SUN3: variants seen among roughly 807,000 people sequenced by gnomAD.
SUN3 encodes the protein Sad1 and UNC84 domain containing 3, also known as SUN domain-containing protein 3.
Under a neutral mutation model 48.2 loss-of-function variants are expected in SUN3, and 36 were observed. The observed-to-expected ratio is 0.75, with a 90% CI of 0.57 to 0.99. The LOEUF is 0.99. Among genes scored for constraint, SUN3 ranks in the 50% least tolerant of loss-of-function variants. The pLI, the probability that SUN3 is intolerant of heterozygous loss-of-function variation, is 0.00. For missense variants in SUN3, 419 were observed against 433.1 expected (o/e 0.97, Z 0.29); for synonymous variants, 148 against 147.9 (o/e 1.00, Z 0.00).
intron 8 of SUN3, chr7:47,990,861 A>G (rs1325934694): frequency 3.0e-6 from 1 of 332,648 alleles, no homozygotes; most frequent in East Asian, 9.1e-5. Context: ...CAGAAAAACA[A>G]ATACTCTATG....
At chr7:48,008,562 G>A (rs945710291) in intron 4 of SUN3, among the ~76,000 whole-genome samples, 6 of 152,188 alleles carry the variant, frequency 3.9e-5, no homozygotes, top group Non-Finnish European at 8.8e-5. Context: ...GCACACCTCA[G>A]TGTGTATTTT....
chr7:48,034,378 T>C, the SUN3 span, among the ~76,000 whole-genome samples: 1 of 152,224 alleles, frequency 6.6e-6, no homozygotes, highest in Non-Finnish European at 1.5e-5. Flanking sequence ...TATACTCGTG[T>C]AACAGAAACA....
chr7:48,035,642 C>A, the SUN3 span: 1 of 674,438 alleles, frequency 1.5e-6, no homozygotes, highest in South Asian at 1.6e-5. The surrounding 1 kb of genome is among the most constrained non-coding windows in gnomAD (Gnocchi z 4.0). Flanking sequence ...TGAGCCTGAG[C>A]GGGCTGGAGG....
At chr7:48,025,783 A>G (rs1442429765) in intron 2 of SUN3, 94 bp downstream of exon 2, 1 of 808,814 alleles carries the variant, frequency 1.2e-6, no homozygotes. Flanking sequence ...CGTGGCATTT[A>G]TTTACAAATA....
At chr7:48,014,847 C>T (rs1309987387) in intron 3 of SUN3, among the ~76,000 whole-genome samples, 1 of 152,072 alleles carries the variant, frequency 6.6e-6, no homozygotes, top group East Asian at 1.9e-4. Context: ...GGCTGGAGAA[C>T]CAGGGAAGGG....
chr7:48,000,684 C>T (rs1418676408), intron 6 of SUN3, among the ~76,000 whole-genome samples: 3 of 151,998 alleles, frequency 2.0e-5, no homozygotes, highest in Admixed American at 2.0e-4. Context: ...ATGTCGTTTC[C>T]TTCTCTTCTG....
At chr7:48,008,917 A>C in intron 4 of SUN3, 118 bp downstream of exon 4, 1 of 813,394 alleles carries the variant, frequency 1.2e-6, no homozygotes, top group Non-Finnish European at 2.0e-6. Flanking sequence ...TATTTCTGGG[A>C]GTGAAATTTT....
Position 47,987,151 on chromosome 7 carries a change from A to T in SUN3, c.*179T>A. On this transcript the variant is annotated 3_prime_UTR_variant, in exon 10 of 10. Transcript: ENST00000297325. Reference sequence around the variant, plus strand: ...AGACTAAACTATGGCAAGGATATTTAATTTACTTCCATATTTTTTTATTAG... The same window carrying T: ...AGACTAAACTATGGCAAGGATATTTTATTTACTTCCATATTTTTTTATTAG... 1 of 493,372 alleles carries T rather than the reference A, an allele frequency of 2.0e-6. No homozygotes were observed. The highest frequency in any genetic ancestry group is 3.3e-6 in the Non-Finnish European group (1 of 301,574). 30.6% of individuals were successfully genotyped at this position (493,372 alleles called of 1,614,324 possible).
At chr7:48,033,503 G>T (rs1280543133), upstream of SUN3, among the ~76,000 whole-genome samples, 1 of 152,134 alleles carries the variant, frequency 6.6e-6, no homozygotes, top group African/African-American at 2.4e-5. Flanking sequence ...TCAAAGCTTC[G>T]CTGAGCCATG....
chr7:48,009,778 C>T (rs1293144430), intron 3 of SUN3, among the ~76,000 whole-genome samples: 1 of 152,066 alleles, frequency 6.6e-6, no homozygotes, highest in Non-Finnish European at 1.5e-5. Context: ...TCAGTGAAAA[C>T]ATAAACACTG....
intron 6 of SUN3, among the ~76,000 whole-genome samples, chr7:48,005,152 G>A (rs1390058351): frequency 6.6e-6 from 1 of 152,202 alleles, no homozygotes; most frequent in Non-Finnish European, 1.5e-5. Context: ...TTAAAAAAGT[G>A]TATCAGAATG....
chr7:48,004,881 C>G (rs1915960), intron 6 of SUN3, among the ~76,000 whole-genome samples: 1 of 152,092 alleles, frequency 6.6e-6, no homozygotes, highest in African/African-American at 2.4e-5. Context: ...AGCCCACTCA[C>G]GTAGTTGCTT....
At chr7:48,030,719 T>C (rs141911075), upstream of SUN3, among the ~76,000 whole-genome samples, 383 of 152,344 alleles carry the variant, frequency 2.5e-3, 1 homozygote, top group African/African-American at 8.8e-3. Flanking sequence ...GCAATAGTAA[T>C]CTTGTATTTA....
At chr7:48,013,668 A>G (rs971769454) in intron 3 of SUN3, among the ~76,000 whole-genome samples, 2 of 152,224 alleles carry the variant, frequency 1.3e-5, no homozygotes, top group African/African-American at 4.8e-5. Flanking sequence ...CATCCATTAC[A>G]TGTCATTATA....
At chr7:47,995,503 T>C (rs1174991988) in intron 7 of SUN3, among the ~76,000 whole-genome samples, 2 of 152,162 alleles carry the variant, frequency 1.3e-5, no homozygotes, top group African/African-American at 4.8e-5. Flanking sequence ...ACTTCAGGTG[T>C]ATGGATCAAA....
chr7:48,029,998 CAG>C (rs1562617599), upstream of SUN3, among the ~76,000 whole-genome samples: 1 of 152,114 alleles, frequency 6.6e-6, no homozygotes, highest in East Asian at 1.9e-4. Flanking sequence ...ACTTATAACT[CAG>C]AGAGTCTTTT....
chr7:47,989,486 C>T (rs555141958), intron 8 of SUN3, among the ~76,000 whole-genome samples: 68 of 152,312 alleles, frequency 4.5e-4, no homozygotes, highest in Non-Finnish European at 7.2e-4. Flanking sequence ...GAGAGGATAA[C>T]GCACTGGTGC....
In SUN3 at chr7:48,007,259, A is replaced by G; in HGVS notation, c.398T>C (p.Leu133Pro). The change falls in exon 5 of 10, where the codon CTG (leucine) becomes CCG (proline). Residue 133 changes from leucine (L) to proline (P), a missense_variant. Physicochemically the swap from Leu to Pro is moderately conservative, Grantham distance 98. Transcript: ENST00000297325. Reference protein sequence around the residue: ...ILFLIEQIDVLKALLRDMKDG... With the variant: ...ILFLIEQIDVPKALLRDMKDG... Reference sequence around the variant, plus strand: ...CTTCATATCTCTTAGCAATGCCTTCAGGACATCTATTTGTTCGATCAAAAA... The same window carrying G: ...CTTCATATCTCTTAGCAATGCCTTCGGGACATCTATTTGTTCGATCAAAAA... The G allele has an allele frequency of 6.2e-7, 1 of 1,614,126 alleles. No homozygotes were observed. Among genetic ancestry groups the G allele is most frequent in the Non-Finnish European group, 8.5e-7 (1 of 1,180,008 alleles).
At position 47,994,397 on chromosome 7, in the gene SUN3, G is replaced by C. The variant is rs1789146591; in HGVS notation, c.779C>G (p.Thr260Ser). 1 of 1,613,392 alleles carries C rather than the reference G, an allele frequency of 6.2e-7. No homozygotes were observed. The highest frequency in any genetic ancestry group is 1.3e-5 in the African/African-American group (1 of 75,028). ...TGAGATGTGCTCCATGGTAACAGCA[G>C]TTGGTATGATCTTTGTAGCAAGCTT... ...LIKLATKIIP[T>S]AVTMEHISEK... Residue 260 changes from threonine (T) to serine (S), a missense_variant, in exon 8 of 10, where the codon ACT (threonine) becomes AGT (serine). By Grantham distance (58) the Thr-to-Ser change is moderately conservative (BLOSUM62 1). Transcript: ENST00000297325.
Sources: allele counts gnomAD v4.1 joint callset (sites outside exome capture counted in the v4.1 genomes callset), GRCh38; gene constraint gnomAD v4.1.1; non-coding constraint Gnocchi (gnomAD v3.1); transcripts MANE v1.5; gene names NCBI Gene and HGNC (gene_info 2026-07-23, HGNC 2026-07-21).